VBP1: variants seen among roughly 807,000 people sequenced by gnomAD.
The protein encoded by VBP1 is VHL binding protein 1, also known as prefoldin subunit 3.
Under a neutral mutation model 15.5 loss-of-function variants are expected in VBP1, and 4 were observed. That is an observed-to-expected ratio of 0.26 (90% confidence interval 0.13 to 0.59). The LOEUF (loss-of-function observed/expected upper bound fraction) is 0.59, where lower values mean the gene tolerates loss of function less well. VBP1 is among the 20% of genes least tolerant of loss of function. The pLI is 0.90. For missense variants in VBP1, 108 were observed against 139.6 expected (o/e 0.77, Z 1.14); for synonymous variants, 61 against 52.1 (o/e 1.17, Z -0.74).
chrX:155,198,463 G>T (rs1450900978), intron 1 of VBP1, among the ~76,000 whole-genome samples: 1 of 111,877 alleles, frequency 8.9e-6, no homozygotes, highest in African/African-American at 3.2e-5. Context: ...AAAATCCGCT[G>T]TTCTGCAGCC....
intron 1 of VBP1, among the ~76,000 whole-genome samples, chrX:155,201,670 A>C (rs1372445929): frequency 1.1e-4 from 11 of 97,437 alleles, no homozygotes; most frequent in Admixed American, 2.2e-4. Flanking sequence ...ATGGGCAAAA[A>C]CTGGAAGCAT....
At chrX:155,234,527 C>G (rs2074762731) in intron 4 of VBP1, among the ~76,000 whole-genome samples, 1 of 111,663 alleles carries the variant, frequency 9.0e-6, no homozygotes, top group Non-Finnish European at 1.9e-5. Context: ...TAGAATAACA[C>G]CACCCAACAC....
intron 4 of VBP1, among the ~76,000 whole-genome samples, chrX:155,229,324 A>G (rs2074735215): frequency 8.9e-6 from 1 of 112,846 alleles, no homozygotes; most frequent in Admixed American, 9.3e-5. Flanking sequence ...CCAAGGATTC[A>G]ATGATTTTCT....
intron 1 of VBP1, among the ~76,000 whole-genome samples, chrX:155,202,359 A>G (rs1349287359): frequency 5.4e-5 from 6 of 111,458 alleles, no homozygotes; most frequent in Non-Finnish European, 7.6e-5. Flanking sequence ...TTCAAACTAT[A>G]CTACAAGGCT....
upstream of VBP1, among the ~76,000 whole-genome samples, chrX:155,213,962 A>C (rs1245047619): frequency 8.9e-6 from 1 of 112,043 alleles, no homozygotes; most frequent in Non-Finnish European, 1.9e-5. Context: ...TATCCAGGCT[A>C]CAGAAATTGG....
chrX:155,217,754 T>A (rs2074671798), intron 1 of VBP1, among the ~76,000 whole-genome samples: 1 of 111,841 alleles, frequency 8.9e-6, no homozygotes, highest in Non-Finnish European at 1.9e-5. Flanking sequence ...TGGTAGCTAC[T>A]ACTGTTATGC....
At chrX:155,201,041 C>T (rs1162323798) in intron 1 of VBP1, among the ~76,000 whole-genome samples, 1 of 111,300 alleles carries the variant, frequency 9.0e-6, no homozygotes, top group Non-Finnish European at 1.9e-5. Context: ...ACACATACAC[C>T]CTCCCAAGAC....
intron 5 of VBP1, among the ~76,000 whole-genome samples, chrX:155,237,003 A>C (rs1440615871): frequency 8.9e-6 from 1 of 112,594 alleles, no homozygotes; most frequent in Non-Finnish European, 1.9e-5. Flanking sequence ...AAGTAAGTTA[A>C]CATATGCAAC....
At chrX:155,200,829 T>C (rs2074600254) in intron 1 of VBP1, among the ~76,000 whole-genome samples, 1 of 110,733 alleles carries the variant, frequency 9.0e-6, no homozygotes, top group African/African-American at 3.3e-5. Context: ...GAGATGGTTT[T>C]TTGAAAGGAT....
At chrX:155,201,966 A>G (rs1157890939) in intron 1 of VBP1, among the ~76,000 whole-genome samples, 1 of 111,584 alleles carries the variant, frequency 9.0e-6, no homozygotes, top group Non-Finnish European at 1.9e-5. Flanking sequence ...TACACCAATA[A>G]CAGACAAACA....
upstream of VBP1, among the ~76,000 whole-genome samples, chrX:155,214,651 A>T (rs2074655636): frequency 9.0e-6 from 1 of 111,642 alleles, no homozygotes; most frequent in African/African-American, 3.3e-5. Flanking sequence ...AAAGCAATCT[A>T]AAGATAAGCT....
chrX:155,228,241 A>G, intron 3 of VBP1, 143 bp from the exon 4 acceptor site: 2 of 488,758 alleles, frequency 4.1e-6, no homozygotes, highest in South Asian at 3.5e-5. Context: ...TGGGTCTAGC[A>G]TTCATTTCTT....
At chrX:155,231,709 A>G (rs1238773238) in intron 4 of VBP1, among the ~76,000 whole-genome samples, 1 of 112,475 alleles carries the variant, frequency 8.9e-6, no homozygotes, top group African/African-American at 3.2e-5. Flanking sequence ...TTGTTTTTAC[A>G]AAAATGGGAT....
intron 4 of VBP1, among the ~76,000 whole-genome samples, chrX:155,235,878 C>G (rs1368773253): frequency 8.9e-6 from 1 of 112,196 alleles, no homozygotes; most frequent in African/African-American, 3.2e-5. Context: ...CCTGAGCCTT[C>G]ATTTCTTTAA....
chrX:155,200,902 A>T lies in VBP1; in HGVS notation c.-31+3763A>T, dbSNP rs201031349. On this transcript the variant is annotated intron_variant, in intron 1 of 6. Coordinates refer to the VBP1 transcript ENST00000535916. ...AAGAAAAGAGAGAAGAATCAAATAGATGCAATAAAAAATGATAAAGGGGAT... is the reference window on the plus strand; with the variant it reads ...AAGAAAAGAGAGAAGAATCAAATAGTTGCAATAAAAAATGATAAAGGGGAT... Among the ~76,000 whole-genome samples, 20 of 110,409 alleles carry T rather than the reference A, an allele frequency of 1.8e-4. No homozygotes were observed. In the East Asian group the frequency reaches 4.8e-3, roughly 27 times the overall value.
intron 2 of VBP1, among the ~76,000 whole-genome samples, chrX:155,209,696 C>A (rs2074638032): frequency 8.9e-6 from 1 of 111,826 alleles, no homozygotes; most frequent in South Asian, 3.7e-4. Flanking sequence ...TACAAGGTTT[C>A]TTCTTTCAGT....
At chrX:155,207,730 G>A (rs781865601) in intron 1 of VBP1, among the ~76,000 whole-genome samples, 1 of 111,729 alleles carries the variant, frequency 9.0e-6, no homozygotes, top group African/African-American at 3.2e-5. Context: ...AGATCCAAGT[G>A]CTAGACTCTG....
At chrX:155,211,582 G>A (rs1047496576), upstream of VBP1, among the ~76,000 whole-genome samples, 25 of 111,948 alleles carry the variant, frequency 2.2e-4, no homozygotes, top group African/African-American at 6.8e-4. Flanking sequence ...AGAGTTGGTC[G>A]TATTTTTGGG....
At chrX:155,208,030 T>C (rs1394271419) in intron 1 of VBP1, among the ~76,000 whole-genome samples, 2 of 111,985 alleles carry the variant, frequency 1.8e-5, no homozygotes, top group Admixed American at 1.9e-4. Flanking sequence ...TGTTCTTAAG[T>C]AAGCCCATAT....
Sources: allele counts gnomAD v4.1 joint callset (sites outside exome capture counted in the v4.1 genomes callset), GRCh38; gene constraint gnomAD v4.1.1; transcripts MANE v1.5; gene names NCBI Gene and HGNC (gene_info 2026-07-23, HGNC 2026-07-21).